The following SLC22A9 variants were observed in gnomAD, a reference collection of about 807,000 sequenced individuals.
SLC22A9 encodes organic anion transporter 7.
Under a neutral mutation model 50.1 loss-of-function variants are expected in SLC22A9, and 64 were observed. The ratio of observed to expected loss-of-function variants is 1.28; its 90% CI spans 1.04 to 1.57. The LOEUF (loss-of-function observed/expected upper bound fraction) is 1.57. SLC22A9 is among the 40% of genes most tolerant of loss of function. The pLI is 0.00. For missense variants in SLC22A9, 757 were observed against 676.1 expected, an observed-to-expected ratio of 1.12 and a Z score of -1.33; for synonymous variants, 261 against 242.5, an observed-to-expected ratio of 1.08 and a Z score of -0.71.
chr11:63,376,261 A>T (rs2119880350), intron 5 of SLC22A9, among the ~76,000 whole-genome samples: 1 of 152,210 alleles, frequency 6.6e-6, no homozygotes, highest in South Asian at 2.1e-4. Context: ...CTTCCCTGGA[A>T]ATACTGCAGT....
In SLC22A9 at chr11:63,369,805, G is replaced by C. The variant is rs72542471; in HGVS notation, c.-252G>C. On this transcript the variant is annotated 5_prime_UTR_variant, in exon 1 of 10. Coordinates refer to ENST00000279178, the MANE Select transcript of SLC22A9 (RefSeq NM_080866.3). Reference sequence around the variant, plus strand: ...ATTTTAAACACATTTCATTGTAAACGACTGGGAGTATCTGAGCAAATTATT... The same window carrying C: ...ATTTTAAACACATTTCATTGTAAACCACTGGGAGTATCTGAGCAAATTATT... 4.5e-6 allele frequency: 2 copies of C among 445,694 alleles called. No homozygotes were observed. The highest frequency in any genetic ancestry group is 7.9e-5 in the Admixed American group (2 of 25,370). The allele number at this position is 445,694 out of a possible 1,614,324, so 27.6% of individuals were successfully genotyped here. A position where few individuals can be genotyped will look rare whatever the true frequency, so the allele number is the denominator to read the frequency against.
chr11:63,378,718 C>T (rs1353714763), intron 5 of SLC22A9, among the ~76,000 whole-genome samples: 1 of 152,120 alleles, frequency 6.6e-6, no homozygotes, highest in African/African-American at 2.4e-5. Context: ...CATTTCTATA[C>T]GCTGACATCG....
chr11:63,371,212 C>G lies in SLC22A9; in HGVS notation c.480C>G (p.Gly160=). 6.2e-7 allele frequency: 1 copy of G among 1,613,022 alleles called. No homozygotes were observed. The highest frequency in any genetic ancestry group is 8.5e-7 in the Non-Finnish European group (1 of 1,179,326). The change falls in exon 2 of 10, where the codon GGC becomes GGG. Residue 160 remains glycine (G), a synonymous_variant. Transcript: ENST00000279178. Reference sequence around the variant, plus strand: ...TCATGGCTGGAATGATGGTGGGAGGCATCCTAGGCGGTCATTTATCAGACA... The same window carrying G: ...TCATGGCTGGAATGATGGTGGGAGGGATCCTAGGCGGTCATTTATCAGACA... ...FVFMAGMMVG[G]ILGGHLSDRF...
rs1330724532 is a variant in SLC22A9 at position 63,375,636 on chromosome 11, C to T, written c.831-9C>T. 2 of 1,611,130 alleles carry T rather than the reference C, an allele frequency of 1.2e-6. No homozygotes were observed. The highest frequency in any genetic ancestry group is 1.7e-6 in the Non-Finnish European group (2 of 1,178,314). The stretch of plus-strand genomic sequence containing the variant: ...AGTCGACTGCCCCTCTGTTCTCTTC[C>T]TTGGTCAGTTGGCTGCTAGAGTCTG... On this transcript the variant is annotated splice_polypyrimidine_tract_variant and intron_variant, in intron 4 of 9. Coordinates refer to ENST00000279178, the MANE Select transcript of SLC22A9 (RefSeq NM_080866.3).
rs118097636 is a variant in SLC22A9, at chr11:63,370,110, C to A, written c.54C>A (p.Ile18=). The A allele has an allele frequency of 6.2e-7, 1 of 1,613,822 alleles. No homozygotes were observed. Among genetic ancestry groups the A allele is most frequent in the African/African-American group, 1.3e-5 (1 of 74,900 alleles). Residue 18 remains isoleucine (I), a synonymous_variant, in exon 1 of 10, where the codon ATC becomes ATA. Coordinates refer to ENST00000279178, the MANE Select transcript of SLC22A9 (RefSeq NM_080866.3). ...CTGGTGACCTGTGGAGATTCCAGAT[C>A]CTTCAGACTGTTTTTCTCTCAATCT... is the stretch of plus-strand genomic sequence containing the variant. ...GHAGDLWRFQ[I]LQTVFLSIFA...
chr11:63,397,334 C>A (rs2014876963), intron 6 of SLC22A9, among the ~76,000 whole-genome samples: 1 of 152,110 alleles, frequency 6.6e-6, no homozygotes, highest in Admixed American at 6.5e-5. Context: ...GACCTGAAGC[C>A]AGTATAGCAC....
chr11:63,379,419 A>T (rs2014522018), intron 5 of SLC22A9, among the ~76,000 whole-genome samples: 1 of 152,228 alleles, frequency 6.6e-6, no homozygotes, highest in Non-Finnish European at 1.5e-5. Context: ...CTAGAAGAAA[A>T]CATAGAAGAT....
rs548789774 is a variant in SLC22A9, at chr11:63,391,613, T to G, written c.1073+9336T>G. 1.4e-3 allele frequency among the ~76,000 whole-genome samples: 212 copies of G among 152,182 alleles called. 1 individual carries two copies. Among genetic ancestry groups the G allele is most frequent in the African/African-American group, 4.9e-3 (203 of 41,584 alleles). ...TTGCCTTAAAATCTGTTTTCTCTGA[T>G]GAGTGTATCTACTCCTGCTCTTTCT... On this transcript the variant is annotated intron_variant, in intron 6 of 9. Transcript: ENST00000279178.
intron 6 of SLC22A9, among the ~76,000 whole-genome samples, chr11:63,399,003 A>G (rs764701773): frequency 2.0e-5 from 3 of 152,214 alleles, no homozygotes; most frequent in Non-Finnish European, 2.9e-5. Context: ...AAAATAATTT[A>G]TCATCAGGTA....
At chr11:63,385,110 T>TGTTTTTTTTGTTGTTG (rs1555014152) in intron 6 of SLC22A9, among the ~76,000 whole-genome samples, 1 of 138,508 alleles carries the variant, frequency 7.2e-6, no homozygotes, top group Admixed American at 7.1e-5. Context: ...GATACAGTTT[T>TGTTTTTTTTGTTGTTG]TTTTTTTTTT....
At chr11:63,389,349 A>G (rs183586171) in intron 6 of SLC22A9, among the ~76,000 whole-genome samples, 114 of 136,386 alleles carry the variant, frequency 8.4e-4, no homozygotes, top group African/African-American at 3.1e-3. Context: ...AACCCCCGAC[A>G]GGCCCCAGTG....
At position 63,399,077 on chromosome 11, in the gene SLC22A9, G is replaced by A. The variant is rs532534265; in HGVS notation, c.1074-7420G>A. ...TCTAATAGATACATAAAAATGAAAA[G>A]CAAGAAGTTAAAACATACTACCACA... On this transcript the variant is annotated intron_variant, in intron 6 of 9. Coordinates refer to ENST00000279178, the MANE Select transcript of SLC22A9 (RefSeq NM_080866.3). 7.9e-5 allele frequency among the ~76,000 whole-genome samples: 12 copies of A among 152,190 alleles called. No homozygotes were observed. In the South Asian group the frequency reaches 2.3e-3, roughly 29 times the overall value.
chr11:63,386,051 A>T (rs1039219687), intron 6 of SLC22A9, among the ~76,000 whole-genome samples: 8 of 152,136 alleles, frequency 5.3e-5, no homozygotes, highest in Admixed American at 2.0e-4. Flanking sequence ...TGAGATAATC[A>T]TGTGGTTTTT....
chr11:63,387,084 G>C (rs890267345), intron 6 of SLC22A9, among the ~76,000 whole-genome samples: 6 of 151,954 alleles, frequency 3.9e-5, no homozygotes, highest in African/African-American at 1.2e-4. Flanking sequence ...ACAGATTCTG[G>C]TATGTTGTCT....
chr11:63,374,237 T>A (rs1457143527), intron 4 of SLC22A9, among the ~76,000 whole-genome samples, 175 bp downstream of exon 4: 1 of 152,150 alleles, frequency 6.6e-6, no homozygotes, highest in Non-Finnish European at 1.5e-5. Context: ...CTGATAAAAC[T>A]GAGGGCAATC....
Position 63,388,189 on chromosome 11 carries a change from G to A in SLC22A9, c.1073+5912G>A, listed in dbSNP as rs113445825. ...TTCTCTTCTCTGATTACTCCAGCTA[G>A]GACTTCAAGGGCTATGTTGAATAAC... is the stretch of plus-strand genomic sequence containing the variant. On this transcript the variant is annotated intron_variant, in intron 6 of 9. Coordinates refer to ENST00000279178, the MANE Select transcript of SLC22A9 (RefSeq NM_080866.3). 7.9e-5 allele frequency among the ~76,000 whole-genome samples: 12 copies of A among 152,214 alleles called. 1 individual carries two copies. Among genetic ancestry groups the A allele is most frequent in the African/African-American group, 2.4e-4 (10 of 41,564 alleles).
chr11:63,378,597 A>G (rs1190207582), intron 5 of SLC22A9, among the ~76,000 whole-genome samples: 1 of 152,158 alleles, frequency 6.6e-6, no homozygotes, highest in Non-Finnish European at 1.5e-5. Flanking sequence ...TTCACATACA[A>G]TATGATCTTA....
chr11:63,399,269 T>TA (rs1344969775), intron 6 of SLC22A9, among the ~76,000 whole-genome samples: 1 of 152,120 alleles, frequency 6.6e-6, no homozygotes, highest in East Asian at 1.9e-4. Context: ...CTGAATGGGT[T>TA]AAAAAACAAG....
At chr11:63,395,377 A>T (rs998302832) in intron 6 of SLC22A9, among the ~76,000 whole-genome samples, 3 of 152,096 alleles carry the variant, frequency 2.0e-5, no homozygotes, top group Non-Finnish European at 4.4e-5. Context: ...GTCTAGGGCT[A>T]AAGGCTGTTG....
Sources: allele counts gnomAD v4.1 joint callset (sites outside exome capture counted in the v4.1 genomes callset), GRCh38; gene constraint gnomAD v4.1.1; transcripts MANE v1.5; gene names NCBI Gene and HGNC (gene_info 2026-07-23, HGNC 2026-07-21).